The following DISC1 variants were observed in gnomAD, a reference collection of about 807,000 sequenced individuals.
DISC1 encodes disrupted in schizophrenia 1 protein.
A neutral mutation model predicts 84.5 loss-of-function variants in DISC1; 57 were observed. The ratio of observed to expected loss-of-function variants is 0.67; its 90% CI spans 0.55 to 0.84. The LOEUF is 0.84. DISC1 is among the 40% of genes least tolerant of loss of function. DISC1 has a pLI of 0.00. For synonymous variants in DISC1, 411 were observed against 415.2 expected (o/e 0.99, Z 0.12); for missense variants, 1,000 against 1,057.8 (o/e 0.95, Z 0.76).
intron 4 of DISC1, among the ~76,000 whole-genome samples, chr1:231,757,254 A>G (rs1404535200): frequency 1.3e-5 from 2 of 152,208 alleles, no homozygotes; most frequent in Admixed American, 6.5e-5. Context: ...ACACATGTAC[A>G]TATATGAAAA....
intron 10 of DISC1, among the ~76,000 whole-genome samples, chr1:231,988,752 C>G (rs779263489): frequency 1.6e-4 from 25 of 152,204 alleles, no homozygotes; most frequent in Non-Finnish European, 2.4e-4. Flanking sequence ...CAGACTAAGA[C>G]AGAATCCCAT....
At chr1:231,719,120 G>A (rs2069220042) in intron 3 of DISC1, among the ~76,000 whole-genome samples, 1 of 152,162 alleles carries the variant, frequency 6.6e-6, no homozygotes, top group Non-Finnish European at 1.5e-5. Flanking sequence ...GCAAGACCCT[G>A]TCTCCAAAAA....
rs537304072 is a variant in DISC1 at position 231,753,003 on chromosome 1, C to T, written c.1268+2927C>T. ...ACCTTGGGCAGCCCTGCCCTTGTGG[C>T]TTTGCAGGGTTCAGATGCTGCAGCT... is the stretch of plus-strand genomic sequence containing the variant. On this transcript the variant is annotated intron_variant, in intron 4 of 12. Transcript: ENST00000439617. 4.6e-4 allele frequency among the ~76,000 whole-genome samples: 70 copies of T among 152,386 alleles called. 2 individuals carry two copies. The highest frequency in any genetic ancestry group is 1.6e-3 in the African/African-American group (66 of 41,602).
chr1:231,893,314 C>T (rs181471984), intron 9 of DISC1, among the ~76,000 whole-genome samples: 69 of 151,848 alleles, frequency 4.5e-4, no homozygotes, highest in African/African-American at 1.4e-3. Context: ...TGTATATGTG[C>T]GGTTAATAAA....
intron 11 of DISC1, among the ~76,000 whole-genome samples, chr1:232,010,192 C>T (rs929637652): frequency 2.6e-5 from 4 of 152,194 alleles, no homozygotes; most frequent in African/African-American, 7.2e-5. Flanking sequence ...CATCTGAACT[C>T]GTTTGTTAAC....
intron 1 of DISC1, among the ~76,000 whole-genome samples, chr1:231,632,174 T>A (rs1012474375): frequency 6.6e-6 from 1 of 152,200 alleles, no homozygotes; most frequent in African/African-American, 2.4e-5. Context: ...CTATACCATC[T>A]AGGTTTTTGT....
At chr1:231,937,679 G>A (rs2126122885) in intron 9 of DISC1, among the ~76,000 whole-genome samples, 1 of 152,284 alleles carries the variant, frequency 6.6e-6, no homozygotes, top group East Asian at 1.9e-4. Flanking sequence ...GGCTGCAGCT[G>A]ACAGGGCACT....
At chr1:232,030,835 C>T (rs1469820736) in intron 12 of DISC1, among the ~76,000 whole-genome samples, 2 of 152,212 alleles carry the variant, frequency 1.3e-5, no homozygotes, top group Admixed American at 6.5e-5. Context: ...AGAGCCTGGC[C>T]AGGTGCGGTG....
intron 9 of DISC1, among the ~76,000 whole-genome samples, chr1:231,857,966 T>C (rs556980539): frequency 6.6e-6 from 1 of 152,292 alleles, no homozygotes; most frequent in Admixed American, 6.5e-5. Flanking sequence ...GAGAAAAACA[T>C]CAGCTAACTC....
At chr1:231,846,744 T>C (rs572922538) in intron 9 of DISC1, among the ~76,000 whole-genome samples, 1 of 152,226 alleles carries the variant, frequency 6.6e-6, no homozygotes, top group South Asian at 2.1e-4. Flanking sequence ...CAGCATGAGT[T>C]TTGTTGTTTT....
At chr1:231,693,755 C>T (rs983916042) in intron 1 of DISC1, 71 bp from the exon 2 acceptor site, 4 of 1,606,944 alleles carry the variant, frequency 2.5e-6, no homozygotes, top group Non-Finnish European at 3.4e-6. Flanking sequence ...TAGGGATGTT[C>T]TCCAGATGCA....
At chr1:231,664,159 G>C (rs1159288455) in intron 1 of DISC1, among the ~76,000 whole-genome samples, 1 of 152,052 alleles carries the variant, frequency 6.6e-6, no homozygotes, top group Non-Finnish European at 1.5e-5. Context: ...TGAGGAAACT[G>C]AGACCCAGAG....
intron 11 of DISC1, among the ~76,000 whole-genome samples, chr1:232,011,725 A>G (rs897850907): frequency 3.3e-5 from 5 of 152,192 alleles, no homozygotes; most frequent in African/African-American, 1.2e-4. Flanking sequence ...CTAAATCCAT[A>G]ATTTTACATC....
intron 10 of DISC1, among the ~76,000 whole-genome samples, chr1:231,971,535 T>C (rs1661955466): frequency 6.6e-6 from 1 of 152,216 alleles, no homozygotes; most frequent in African/African-American, 2.4e-5. Context: ...TTCATTTTGC[T>C]CCTTTTTCCC....
chr1:232,023,945 C>G (rs1669197259), intron 11 of DISC1, among the ~76,000 whole-genome samples: 1 of 151,746 alleles, frequency 6.6e-6, no homozygotes, highest in Non-Finnish European at 1.5e-5. Context: ...GCTCATTATC[C>G]AGTGTCTACA....
At chr1:231,871,978 A>C (rs9432025) in intron 9 of DISC1, among the ~76,000 whole-genome samples, 75,934 of 152,056 alleles carry the variant, frequency 0.5, 19,120 homozygotes, top group African/African-American at 0.53. Context: ...TCTGTACCAC[A>C]GTGGACACCT....
intron 9 of DISC1, among the ~76,000 whole-genome samples, chr1:231,890,641 G>T (rs2087138224): frequency 6.6e-6 from 1 of 152,194 alleles, no homozygotes; most frequent in Non-Finnish European, 1.5e-5. Context: ...AAGTTCTGAA[G>T]ATAGATGGTG....
At chr1:231,681,707 T>A (rs2063712782) in intron 1 of DISC1, among the ~76,000 whole-genome samples, 1 of 152,168 alleles carries the variant, frequency 6.6e-6, no homozygotes, top group African/African-American at 2.4e-5. Flanking sequence ...ATTTATTTTT[T>A]TTTTTTAGAA....
intron 9 of DISC1, among the ~76,000 whole-genome samples, chr1:231,862,322 C>A (rs2084731231): frequency 6.6e-6 from 1 of 152,188 alleles, no homozygotes; most frequent in Non-Finnish European, 1.5e-5. Flanking sequence ...GTGTTCTCAT[C>A]ACTCATGGCA....
Sources: gnomAD v4.1 joint callset for allele counts (sites outside exome capture counted in the v4.1 genomes callset) on GRCh38, gnomAD v4.1.1 for gene constraint, MANE v1.5 for transcripts, NCBI Gene and HGNC (gene_info 2026-07-23, HGNC 2026-07-21) for gene names.